The following ATP13A5 variants were observed in gnomAD, a reference collection of about 807,000 sequenced individuals.
ATP13A5 encodes probable cation-transporting ATPase 13A5.
Under a neutral mutation model 150.2 loss-of-function variants are expected in ATP13A5, and 149 were observed. That is an observed-to-expected ratio of 0.99 (90% CI 0.87 to 1.14). The LOEUF (loss-of-function observed/expected upper bound fraction) is 1.14. Among genes scored for constraint, ATP13A5 ranks in the 50% most tolerant of loss-of-function variants. ATP13A5 has a pLI of 0.00. For synonymous variants in ATP13A5, 497 were observed against 522.2 expected (o/e 0.95, Z 0.66); for missense variants, 1,383 against 1,449.3 (o/e 0.95, Z 0.74).
Position 193,367,931 on chromosome 3 carries a change from T to C in ATP13A5, c.64-3651A>G, listed in dbSNP as rs4566483. Among the ~76,000 whole-genome samples the C allele has an allele frequency of 0.013, 1,744 of 135,994 alleles. 86 individuals carry two copies. In the East Asian group the frequency reaches 0.16, roughly 13 times the overall value. 89.2% of individuals were successfully genotyped at this position (135,994 alleles called of 152,430 possible). A position where few individuals can be genotyped will look rare whatever the true frequency, so the allele number is the denominator to read the frequency against. ...CTACTAATATTTATCAGTACAGTAC[T>C]AGAAGTCTTAACCAGTGCAACGCAA... On this transcript the variant is annotated intron_variant, in intron 1 of 29. Transcript: ENST00000342358.
intron 1 of ATP13A5, among the ~76,000 whole-genome samples, chr3:193,373,158 A>T (rs1396390125): frequency 6.6e-6 from 1 of 151,974 alleles, no homozygotes; most frequent in Non-Finnish European, 1.5e-5. Context: ...TATTTTTTTG[A>T]GATAGAGTCT....
chr3:193,370,419 C>T (rs1329090129), intron 1 of ATP13A5, among the ~76,000 whole-genome samples: 8 of 152,124 alleles, frequency 5.3e-5, no homozygotes, highest in Non-Finnish European at 1.0e-4. Context: ...TCAGATTTTT[C>T]GTGTGAAAAA....
chr3:193,328,441 G>T (rs1453713825), intron 12 of ATP13A5, among the ~76,000 whole-genome samples: 1 of 152,128 alleles, frequency 6.6e-6, no homozygotes, highest in Non-Finnish European at 1.5e-5. Context: ...TCAAGTTGTT[G>T]CATTTCAAAA....
At chr3:193,298,368 A>G (rs563763199) in intron 25 of ATP13A5, among the ~76,000 whole-genome samples, 2 of 152,156 alleles carry the variant, frequency 1.3e-5, no homozygotes, top group Non-Finnish European at 2.9e-5. Context: ...TTGATGTTTT[A>G]GTGCTTATAG....
At chr3:193,337,058 T>A (rs1373885238) in intron 9 of ATP13A5, among the ~76,000 whole-genome samples, 1 of 152,242 alleles carries the variant, frequency 6.6e-6, no homozygotes, top group African/African-American at 2.4e-5. Flanking sequence ...TCTGTTCATA[T>A]CCTTCGCCCA....
rs768262520 is a variant in ATP13A5, at chr3:193,289,845, A to T, written c.3023+40T>A. 5 of 1,521,922 alleles carry T rather than the reference A, an allele frequency of 3.3e-6. No individual in the cohort carries two copies. In the African/African-American group the frequency reaches 5.6e-5, roughly 17 times the overall value. The allele number at this position is 1,521,922 out of a possible 1,614,324, so 94.3% of individuals were successfully genotyped here. A position where few individuals can be genotyped will look rare whatever the true frequency, so the allele number is the denominator to read the frequency against. ...TATGCAATGTCATTGGATATTTATT[A>T]AATTACCTTTCGAAAGCAGCACTAA... On this transcript the variant is annotated intron_variant, in intron 26 of 29. Coordinates refer to ENST00000342358, the MANE Select transcript of ATP13A5 (RefSeq NM_198505.4).
At chr3:193,365,617 T>C (rs1191406553) in intron 1 of ATP13A5, among the ~76,000 whole-genome samples, 1 of 152,136 alleles carries the variant, frequency 6.6e-6, no homozygotes, top group Non-Finnish European at 1.5e-5. Context: ...TAAATATACA[T>C]TCTTTTACCG....
At position 193,314,202 on chromosome 3, in the gene ATP13A5, C is replaced by A; in HGVS notation, c.2159-9G>T. The A allele has an allele frequency of 2.5e-6, 4 of 1,612,486 alleles. No individual in the cohort carries two copies. The South Asian group carries it at 4.4e-5, about 18-fold the overall frequency. On this transcript the variant is annotated splice_polypyrimidine_tract_variant and intron_variant, in intron 18 of 29. Coordinates refer to ENST00000342358, the MANE Select transcript of ATP13A5 (RefSeq NM_198505.4). Reference sequence around the variant, plus strand: ...CGTTTGAAGGTTATCACCTAGAAGACAAAGAAACTTTGCTTGCTGTATGTA... The same window carrying A: ...CGTTTGAAGGTTATCACCTAGAAGAAAAAGAAACTTTGCTTGCTGTATGTA...
chr3:193,308,636 C>A (rs947211615), intron 21 of ATP13A5, among the ~76,000 whole-genome samples: 5 of 152,120 alleles, frequency 3.3e-5, no homozygotes, highest in African/African-American at 1.2e-4. Flanking sequence ...CATCAAGAAT[C>A]TTATCATCTT....
intron 23 of ATP13A5, 36 bp from the exon 24 acceptor site, chr3:193,301,343 G>A (rs1252369427): frequency 2.6e-6 from 4 of 1,534,462 alleles, no homozygotes; most frequent in Non-Finnish European, 8.9e-7. Flanking sequence ...AATTGGTTAT[G>A]TATGATAAAT....
In ATP13A5 at chr3:193,331,187, A is replaced by T. The variant is rs1443579019; in HGVS notation, c.1397T>A (p.Ile466Asn). ...YAQKRLKKKK[I>N]FCISPQRINM... is the part of the protein sequence containing the mutation. The stretch of plus-strand genomic sequence containing the variant: ...GATTCTCTGTGGGGAGATACAGAAG[A>T]TTTTCTTTTTCTTCAGTCTCTTCTG... Residue 466 changes from isoleucine (I) to asparagine (N), a missense_variant, in exon 12 of 30, where the codon ATC (isoleucine) becomes AAC (asparagine). By Grantham distance (149) the Ile-to-Asn change is moderately radical. Transcript: ENST00000342358. 2 of 1,613,818 alleles carry T rather than the reference A, an allele frequency of 1.2e-6. No individual in the cohort carries two copies. Among genetic ancestry groups the T allele is most frequent in the African/African-American group, 2.7e-5 (2 of 74,892 alleles).
intron 1 of ATP13A5, among the ~76,000 whole-genome samples, chr3:193,374,155 G>A (rs371224629): frequency 3.9e-5 from 6 of 152,214 alleles, no homozygotes; most frequent in South Asian, 2.1e-4. Context: ...GAGAAGAGCC[G>A]TCATGATTAT....
chr3:193,305,550 A>T lies in ATP13A5; in HGVS notation c.2678+9T>A, dbSNP rs745940313. The T allele has an allele frequency of 2.5e-6, 4 of 1,611,018 alleles. No homozygotes were observed. The South Asian group carries it at 3.3e-5, about 13-fold the overall frequency. On this transcript the variant is annotated intron_variant, in intron 23 of 29. Coordinates refer to ENST00000342358, the MANE Select transcript of ATP13A5 (RefSeq NM_198505.4). ...GATTGTAGGGCTGGAAGAGGAAAAA[A>T]TGACTTACCTGATGAGATGAGGCAC... is the stretch of plus-strand genomic sequence containing the variant.
chr3:193,337,020 C>T (rs1349482141), intron 9 of ATP13A5, among the ~76,000 whole-genome samples: 1 of 152,136 alleles, frequency 6.6e-6, no homozygotes, highest in Non-Finnish European at 1.5e-5. Flanking sequence ...TGTCTTTTGG[C>T]TGCATAAATG....
At chr3:193,358,891 G>A (rs764326809) in intron 5 of ATP13A5, among the ~76,000 whole-genome samples, 1 of 152,138 alleles carries the variant, frequency 6.6e-6, no homozygotes, top group African/African-American at 2.4e-5. Context: ...GGAGATTCTG[G>A]ACTTAGCTTT....
At chr3:193,320,707 T>C (rs1005356899) in intron 16 of ATP13A5, among the ~76,000 whole-genome samples, 7 of 152,156 alleles carry the variant, frequency 4.6e-5, no homozygotes, top group African/African-American at 1.7e-4. Flanking sequence ...CACAAGTTGA[T>C]GGCCATCAGC....
Position 193,344,066 on chromosome 3 carries a change from G to C in ATP13A5, c.815-11C>G, listed in dbSNP as rs747669259. On this transcript the variant is annotated splice_polypyrimidine_tract_variant and intron_variant, in intron 8 of 29. Transcript: ENST00000342358. Reference sequence around the variant, plus strand: ...CCAGCTCCTCCAAACCTACACCAAAGCAAAGTTTCCATGAATAGCTGACCT... The same window carrying C: ...CCAGCTCCTCCAAACCTACACCAAACCAAAGTTTCCATGAATAGCTGACCT... 1.2e-6 allele frequency: 2 copies of C among 1,610,178 alleles called. No homozygotes were observed. The highest frequency in any genetic ancestry group is 2.2e-5 in the South Asian group (2 of 90,556).
intron 26 of ATP13A5, among the ~76,000 whole-genome samples, chr3:193,287,392 T>C (rs1041541977): frequency 6.6e-6 from 1 of 152,162 alleles, no homozygotes; most frequent in African/African-American, 2.4e-5. Flanking sequence ...TCTCTCTTAT[T>C]AGGGGCTAAC....
At position 193,354,298 on chromosome 3, in the gene ATP13A5, T is replaced by C. The variant is rs2108893526; in HGVS notation, c.537-102A>G. 4 of 1,035,950 alleles carry C rather than the reference T, an allele frequency of 3.9e-6. No individual in the cohort carries two copies. The South Asian group carries it at 4.7e-5, about 12-fold the overall frequency. 64.2% of individuals were successfully genotyped at this position (1,035,950 alleles called of 1,614,324 possible). ...GTCATTTTTCTACTCTTTGGAGATT[T>C]TGTGACTTTGATTAAAAAATAATGT... On this transcript the variant is annotated intron_variant, in intron 5 of 29. Transcript: ENST00000342358.
Sources: allele counts gnomAD v4.1 joint callset (sites outside exome capture counted in the v4.1 genomes callset), GRCh38; gene constraint gnomAD v4.1.1; transcripts MANE v1.5; gene names NCBI Gene and HGNC (gene_info 2026-07-23, HGNC 2026-07-21).